Variants in TECRL observed in about 807,000 individuals in gnomAD.
TECRL encodes trans-2,3-enoyl-CoA reductase-like.
TECRL carries 63 observed loss-of-function variants against 52.8 expected under a neutral mutation model. The ratio of observed to expected loss-of-function variants is 1.19; its 90% confidence interval spans 0.97 to 1.47. The LOEUF is 1.47. Ranked by LOEUF, TECRL falls within the 40% of genes most tolerant of loss-of-function variation. The probability of loss-of-function intolerance (pLI) is 0.00; values close to 1 mark genes in which losing one functional copy is unlikely to be tolerated. For missense variants in TECRL, 482 were observed against 429.6 expected (o/e 1.12, Z -1.08); for synonymous variants, 164 against 141.9 (o/e 1.16, Z -1.10).
chr4:64,301,388 C>T (rs971408858), intron 7 of TECRL, among the ~76,000 whole-genome samples: 11 of 151,140 alleles, frequency 7.3e-5, no homozygotes, highest in Admixed American at 2.0e-4. Flanking sequence ...TGCTATGCAT[C>T]TGTATCAGCC....
intron 1 of TECRL, among the ~76,000 whole-genome samples, chr4:64,378,320 C>A (rs1722539056): frequency 6.6e-6 from 1 of 151,966 alleles, no homozygotes; most frequent in Non-Finnish European, 1.5e-5. Context: ...AGAATAAACA[C>A]TTTTGGAAAC....
intron 2 of TECRL, among the ~76,000 whole-genome samples, chr4:64,367,401 T>C (rs1018561020): frequency 6.6e-6 from 1 of 152,092 alleles, no homozygotes; most frequent in Non-Finnish European, 1.5e-5. Flanking sequence ...AATAAAATAA[T>C]AAAATAAAAT....
chr4:64,368,102 A>C (rs192066906), intron 2 of TECRL, among the ~76,000 whole-genome samples: 108 of 152,168 alleles, frequency 7.1e-4, no homozygotes, highest in African/African-American at 2.2e-3. Context: ...TTCCTGACTA[A>C]AGTTCCTAGA....
chr4:64,332,412 A>G lies in TECRL; in HGVS notation c.287-3856T>C, dbSNP rs113469746. On this transcript the variant is annotated intron_variant, in intron 2 of 11. Coordinates refer to ENST00000381210, the MANE Select transcript of TECRL (RefSeq NM_001010874.5). ...AGCCTTACTGCTGGCAGAGGCAAAT[A>G]TAAATCTTCTCTGGAAGGAGATCGC... Among the ~76,000 whole-genome samples the G allele has an allele frequency of 8.9e-3, 1,350 of 152,316 alleles. 18 individuals carry two copies. Among genetic ancestry groups the G allele is most frequent in the African/African-American group, 0.031 (1,283 of 41,576 alleles).
At chr4:64,372,641 A>G (rs1264630554) in intron 2 of TECRL, among the ~76,000 whole-genome samples, 1 of 151,798 alleles carries the variant, frequency 6.6e-6, no homozygotes, top group Non-Finnish European at 1.5e-5. Flanking sequence ...AAGTCTGAGA[A>G]AACGTAGGAA....
At chr4:64,385,062 T>C in intron 1 of TECRL, among the ~76,000 whole-genome samples, 1 of 152,298 alleles carries the variant, frequency 6.6e-6, no homozygotes, top group East Asian at 1.9e-4. Flanking sequence ...CAGGTTTTCC[T>C]GATGGTATAT....
rs370877356 is a variant in TECRL at position 64,356,402 on chromosome 4, A to G, written c.286+18770T>C. On this transcript the variant is annotated intron_variant, in intron 2 of 11. Transcript: ENST00000381210. ...GCCCCTGGGAACTGAATGTCTCGGT[A>G]TAAAACCTGATTGTACATTTGTTCA... 4.6e-5 allele frequency among the ~76,000 whole-genome samples: 7 copies of G among 152,286 alleles called. No individual in the cohort carries two copies. In the South Asian group the frequency reaches 8.3e-4, roughly 18 times the overall value.
rs1421829341 is a variant in TECRL at position 64,281,106 on chromosome 4, A to G, written c.919-20T>C. 1.3e-6 allele frequency: 2 copies of G among 1,580,488 alleles called. No homozygotes were observed. The highest frequency in any genetic ancestry group is 2.3e-5 in the South Asian group (2 of 86,254). ...TCCAATCTGTTATATTAAAACTTAA[A>G]TTAGCACATACATAAATGGAATCTA... On this transcript the variant is annotated intron_variant, in intron 10 of 11. Transcript: ENST00000381210.
At chr4:64,341,697 C>A (rs1205609553) in intron 2 of TECRL, among the ~76,000 whole-genome samples, 1 of 152,176 alleles carries the variant, frequency 6.6e-6, no homozygotes, top group Admixed American at 6.5e-5. Context: ...GGAGCCCAGA[C>A]CTGGGAGCTT....
intron 4 of TECRL, among the ~76,000 whole-genome samples, chr4:64,319,847 ATC>A (rs1560496432): frequency 1.3e-5 from 2 of 151,956 alleles, no homozygotes; most frequent in Non-Finnish European, 3.0e-5. Flanking sequence ...ATTAACATCA[ATC>A]TCAAAATATT....
chr4:64,286,996 A>G (rs945273676), intron 9 of TECRL, among the ~76,000 whole-genome samples: 2 of 152,054 alleles, frequency 1.3e-5, no homozygotes, highest in African/African-American at 4.8e-5. Context: ...ACCCTCAGAT[A>G]TTTTTCACTT....
At chr4:64,363,839 G>A (rs539758889) in intron 2 of TECRL, among the ~76,000 whole-genome samples, 1 of 152,246 alleles carries the variant, frequency 6.6e-6, no homozygotes, top group Non-Finnish European at 1.5e-5. Flanking sequence ...TTGCTTCTAA[G>A]AGAAGTTACT....
At chr4:64,386,344 T>A (rs1723176911) in intron 1 of TECRL, among the ~76,000 whole-genome samples, 1 of 152,150 alleles carries the variant, frequency 6.6e-6, no homozygotes, top group Non-Finnish European at 1.5e-5. Context: ...AAATGGATAA[T>A]CATGAAGGTC....
At chr4:64,388,583 G>C (rs1723336038) in intron 1 of TECRL, among the ~76,000 whole-genome samples, 1 of 151,716 alleles carries the variant, frequency 6.6e-6, no homozygotes, top group South Asian at 2.1e-4. Flanking sequence ...TTTTAGTAGG[G>C]ATTGCATTAC....
At chr4:64,331,534 TAAG>T (rs928819247) in intron 2 of TECRL, among the ~76,000 whole-genome samples, 3 of 152,014 alleles carry the variant, frequency 2.0e-5, no homozygotes, top group African/African-American at 7.2e-5. Flanking sequence ...TGATAAATAA[TAAG>T]ATTAACTCAA....
Position 64,279,773 on chromosome 4 carries a change from T to C in TECRL, c.*299A>G. ...AATCAGATTTTTTTTTTTGCTGTGG[T>C]ATTTTGTCTTATGCAAATAGTATTG... On this transcript the variant is annotated 3_prime_UTR_variant, in exon 12 of 12. Transcript: ENST00000381210. 1 of 991,376 alleles carries C rather than the reference T, an allele frequency of 1.0e-6. No homozygotes were observed. The highest frequency in any genetic ancestry group is 1.2e-6 in the Non-Finnish European group (1 of 833,784). The allele number at this position is 991,376 out of a possible 1,614,324, so 61.4% of individuals were successfully genotyped here. A position where few individuals can be genotyped will look rare whatever the true frequency, so the allele number is the denominator to read the frequency against.
chr4:64,305,305 A>G, intron 6 of TECRL, 67 bp from the exon 7 acceptor site: 2 of 1,407,266 alleles, frequency 1.4e-6, no homozygotes, highest in Non-Finnish European at 2.0e-6. Flanking sequence ...ATTGTGACAT[A>G]CATTTATATT....
At chr4:64,380,729 T>C (rs1722731881) in intron 1 of TECRL, among the ~76,000 whole-genome samples, 1 of 152,076 alleles carries the variant, frequency 6.6e-6, no homozygotes, top group South Asian at 2.1e-4. Flanking sequence ...AGGATTTATA[T>C]CTGGGTTCTA....
At chr4:64,375,618 T>C (rs1413244008) in intron 1 of TECRL, among the ~76,000 whole-genome samples, 1 of 151,864 alleles carries the variant, frequency 6.6e-6, no homozygotes, top group Non-Finnish European at 1.5e-5. Flanking sequence ...GTGAAGTTAA[T>C]TTATATGGAC....
Sources: gnomAD v4.1 joint callset for allele counts (sites outside exome capture counted in the v4.1 genomes callset) on GRCh38, gnomAD v4.1.1 for gene constraint, MANE v1.5 for transcripts, NCBI Gene and HGNC (gene_info 2026-07-23, HGNC 2026-07-21) for gene names.